Variants in TAOK3 observed in about 807,000 individuals in gnomAD.
TAOK3 encodes the protein serine/threonine-protein kinase TAO3.
A neutral mutation model predicts 120.4 loss-of-function variants in TAOK3; 40 were observed. That is an observed-to-expected ratio of 0.33 (90% confidence interval 0.26 to 0.43). TAOK3 has a LOEUF of 0.43. TAOK3 is among the 20% of genes least tolerant of loss of function. The pLI is 1.00. For synonymous variants in TAOK3, 355 were observed against 387.5 expected (o/e 0.92, Z 0.99); for missense variants, 821 against 1,112.1 (o/e 0.74, Z 3.72).
At position 118,150,862 on chromosome 12, in the gene TAOK3, C is replaced by T. The variant is rs915664255; in HGVS notation, c.*135G>A. 4.1e-6 allele frequency: 4 copies of T among 973,036 alleles called. No individual in the cohort carries two copies. The highest frequency in any genetic ancestry group is 3.3e-5 in the African/African-American group (2 of 60,404). 60.3% of individuals were successfully genotyped at this position (973,036 alleles called of 1,614,324 possible). A position where few individuals can be genotyped will look rare whatever the true frequency, so the allele number is the denominator to read the frequency against. The stretch of plus-strand genomic sequence containing the variant: ...AGAATAAACAGGCACTAGTCCGACA[C>T]GATGTCAGTAAGAGTAAGAGAGAGA... On this transcript the variant is annotated 3_prime_UTR_variant, in exon 21 of 21. Transcript: ENST00000392533.
intron 3 of TAOK3, chr12:118,245,992 A>G: frequency 1.8e-6 from 1 of 570,322 alleles, no homozygotes; most frequent in South Asian, 2.3e-5. Context: ...CAAGCTATAA[A>G]GTAGAATCCA....
At chr12:118,180,671 C>CACTACTAT (rs1352535296) in intron 15 of TAOK3, among the ~76,000 whole-genome samples, 1 of 152,136 alleles carries the variant, frequency 6.6e-6, no homozygotes, top group Non-Finnish European at 1.5e-5. Flanking sequence ...CAGGGATTAT[C>CACTACTAT]ACTACTATAA....
At chr12:118,202,274 C>T (rs2038062368) in intron 11 of TAOK3, among the ~76,000 whole-genome samples, 1 of 151,700 alleles carries the variant, frequency 6.6e-6, no homozygotes, top group African/African-American at 2.4e-5. Context: ...CACTGATGAA[C>T]ACATAGGATG....
At chr12:118,313,237 CTGTT>C (rs1406420107) in intron 1 of TAOK3, among the ~76,000 whole-genome samples, 2 of 151,950 alleles carry the variant, frequency 1.3e-5, no homozygotes, top group Non-Finnish European at 2.9e-5. Context: ...AAGAGAATGG[CTGTT>C]TCTTTTCTTT....
At position 118,166,831 on chromosome 12, in the gene TAOK3, C is replaced by T. The variant is rs61943534; in HGVS notation, c.1900-4804G>A. Among the ~76,000 whole-genome samples the T allele has an allele frequency of 8.5e-3, 1,014 of 118,728 alleles. 7 individuals carry two copies. Among genetic ancestry groups the T allele is most frequent in the Middle Eastern group, 0.022 (5 of 230 alleles). The allele number at this position is 118,728 out of a possible 152,430, so 77.9% of individuals were successfully genotyped here. ...GTGTGTGTGTATATATATATATACA[C>T]ACACACACACACACATACACACACA... On this transcript the variant is annotated intron_variant, in intron 17 of 20. Transcript: ENST00000392533.
At chr12:118,199,010 T>C (rs1027418321) in intron 13 of TAOK3, 41 bp downstream of exon 13, 21 of 1,609,254 alleles carry the variant, frequency 1.3e-5, no homozygotes, top group Non-Finnish European at 1.6e-5. Context: ...TTCGCTATGA[T>C]TGACAAAGCT....
intron 3 of TAOK3, chr12:118,246,779 C>G (rs994688341): frequency 3.4e-6 from 5 of 1,479,090 alleles, no homozygotes; most frequent in Non-Finnish European, 4.7e-6. Context: ...GCACTGCCAC[C>G]CTGGGCAACT....
intron 1 of TAOK3, among the ~76,000 whole-genome samples, chr12:118,357,829 C>A (rs2045457958): frequency 6.6e-6 from 1 of 152,140 alleles, no homozygotes; most frequent in Non-Finnish European, 1.5e-5. Flanking sequence ...ATGCATAAAT[C>A]TTAAGGAAAA....
chr12:118,299,474 CAG>C (rs2042798398), intron 1 of TAOK3, among the ~76,000 whole-genome samples: 2 of 152,098 alleles, frequency 1.3e-5, no homozygotes, highest in Admixed American at 6.6e-5. Context: ...GAATTATTAA[CAG>C]AGTTCTATTT....
chr12:118,322,726 T>C lies in TAOK3; in HGVS notation c.-194+49922A>G, dbSNP rs899105805. Among the ~76,000 whole-genome samples, 71 of 134,328 alleles carry C rather than the reference T, an allele frequency of 5.3e-4. 1 individual carries two copies. Among genetic ancestry groups the C allele is most frequent in the African/African-American group, 2.0e-3 (66 of 33,660 alleles). 88.1% of individuals were successfully genotyped at this position (134,328 alleles called of 152,430 possible). A position where few individuals can be genotyped will look rare whatever the true frequency, so the allele number is the denominator to read the frequency against. ...TTAAAAAATTTAAAAACCTTTTTTT[T>C]TTTTTTTTTTTTTTTTTGAGACGGA... On this transcript the variant is annotated intron_variant, in intron 1 of 20. Transcript: ENST00000392533.
chr12:118,199,040 A>C lies in TAOK3; in HGVS notation c.1194+11T>G. On this transcript the variant is annotated intron_variant, in intron 13 of 20. Coordinates refer to ENST00000392533, the MANE Select transcript of TAOK3 (RefSeq NM_016281.4). Reference sequence around the variant, plus strand: ...AAAGCTCACCTCTGTGGAGGGTACCAAGAAACCTACTTTCTTATGCACGAC... The same window carrying C: ...AAAGCTCACCTCTGTGGAGGGTACCCAGAAACCTACTTTCTTATGCACGAC... The C allele has an allele frequency of 6.2e-7, 1 of 1,614,136 alleles. No individual in the cohort carries two copies. Among genetic ancestry groups the C allele is most frequent in the Non-Finnish European group, 8.5e-7 (1 of 1,179,964 alleles).
chr12:118,263,651 T>C (rs2041324428), intron 2 of TAOK3, among the ~76,000 whole-genome samples: 1 of 151,804 alleles, frequency 6.6e-6, no homozygotes, highest in Non-Finnish European at 1.5e-5. Flanking sequence ...AATAAGAAAA[T>C]AAGAAAACCC....
intron 1 of TAOK3, among the ~76,000 whole-genome samples, chr12:118,311,553 T>C (rs1199851613): frequency 6.6e-6 from 1 of 152,190 alleles, no homozygotes; most frequent in East Asian, 1.9e-4. Flanking sequence ...GCCTGAAACA[T>C]GGCCTTTGGC....
chr12:118,353,687 C>T (rs1252680242), intron 1 of TAOK3, among the ~76,000 whole-genome samples: 8 of 151,998 alleles, frequency 5.3e-5, no homozygotes, highest in African/African-American at 9.7e-5. Context: ...GAAAGGTGCA[C>T]GAGGTGCAGT....
At chr12:118,151,477 C>T (rs756918031) in intron 20 of TAOK3, among the ~76,000 whole-genome samples, 2 of 152,180 alleles carry the variant, frequency 1.3e-5, no homozygotes, top group Non-Finnish European at 2.9e-5. Context: ...GGATCTAGGT[C>T]AGTGTCCTGT....
chr12:118,263,959 G>A (rs1406951895), intron 2 of TAOK3, among the ~76,000 whole-genome samples: 10 of 152,152 alleles, frequency 6.6e-5, no homozygotes, highest in South Asian at 2.1e-4. Flanking sequence ...CCAGCTACTC[G>A]GGAGGCTGAG....
chr12:118,272,889 T>C (rs974194866), intron 1 of TAOK3, among the ~76,000 whole-genome samples: 2 of 151,942 alleles, frequency 1.3e-5, no homozygotes, highest in African/African-American at 2.4e-5. Flanking sequence ...GGTGGGAGGA[T>C]TGCTTGAGCC....
intron 17 of TAOK3, among the ~76,000 whole-genome samples, chr12:118,168,487 T>A (rs775737825): frequency 1.3e-5 from 2 of 152,234 alleles, no homozygotes; most frequent in African/African-American, 2.4e-5. Context: ...AATTTTTATA[T>A]GTTGATATCT....
At chr12:118,352,119 A>T (rs982872885) in intron 1 of TAOK3, among the ~76,000 whole-genome samples, 3 of 150,530 alleles carry the variant, frequency 2.0e-5, no homozygotes, top group Non-Finnish European at 4.4e-5. Flanking sequence ...TGGTCCGCCC[A>T]CCTCGGCCTC....
Sources: gnomAD v4.1 joint callset for allele counts (sites outside exome capture counted in the v4.1 genomes callset) on GRCh38, gnomAD v4.1.1 for gene constraint, MANE v1.5 for transcripts, NCBI Gene and HGNC (gene_info 2026-07-23, HGNC 2026-07-21) for gene names.